Variants in CLHC1 observed in about 807,000 individuals in gnomAD.
CLHC1 encodes the protein clathrin heavy chain linker domain-containing protein 1.
CLHC1 carries 72 observed loss-of-function variants against 69.5 expected under a neutral mutation model. The ratio of observed to expected loss-of-function variants is 1.04; its 90% CI spans 0.86 to 1.26. CLHC1 has a LOEUF of 1.26. CLHC1 is among the 50% of genes most tolerant of loss of function. The pLI is 0.00. For missense variants in CLHC1, 790 were observed against 679.3 expected (o/e 1.16, Z -1.81); for synonymous variants, 223 against 224.3 (o/e 0.99, Z 0.05).
At chr2:55,182,645 A>G (rs942253319) in intron 9 of CLHC1, among the ~76,000 whole-genome samples, 1 of 152,230 alleles carries the variant, frequency 6.6e-6, no homozygotes, top group African/African-American at 2.4e-5. Context: ...TAGAGAACAA[A>G]AAGACCAGAG....
chr2:55,216,605 G>T (rs1034723066), intron 4 of CLHC1, among the ~76,000 whole-genome samples: 27 of 151,702 alleles, frequency 1.8e-4, no homozygotes, highest in East Asian at 1.9e-4. Context: ...GCGCAATCAT[G>T]GCTCATTTGT....
chr2:55,187,506 A>G (rs1670530725), intron 9 of CLHC1, among the ~76,000 whole-genome samples: 1 of 151,756 alleles, frequency 6.6e-6, no homozygotes, highest in Non-Finnish European at 1.5e-5. Flanking sequence ...CCAGCTACTC[A>G]GTGGTTGGGG....
chr2:55,222,172 G>T, intron 3 of CLHC1, 63 bp downstream of exon 3: 2 of 1,139,634 alleles, frequency 1.8e-6, no homozygotes, highest in South Asian at 1.3e-5. Flanking sequence ...AGGAATATTG[G>T]TTGTCAACAT....
At chr2:55,191,730 C>A (rs1670948669) in intron 9 of CLHC1, among the ~76,000 whole-genome samples, 2 of 151,190 alleles carry the variant, frequency 1.3e-5, no homozygotes. Flanking sequence ...TTATATAGCT[C>A]CTAAGTCAAC....
chr2:55,181,995 A>T (rs1669982750), intron 9 of CLHC1, among the ~76,000 whole-genome samples: 1 of 152,118 alleles, frequency 6.6e-6, no homozygotes, highest in Non-Finnish European at 1.5e-5. Context: ...AATCGCTGAC[A>T]ACCACCAGAA....
At chr2:55,203,683 C>T (rs1672175107) in intron 9 of CLHC1, among the ~76,000 whole-genome samples, 2 of 152,120 alleles carry the variant, frequency 1.3e-5, no homozygotes, top group Non-Finnish European at 2.9e-5. Context: ...ATATTTAAAT[C>T]TAAGACCTCA....
chr2:55,177,782 C>A lies in CLHC1; in HGVS notation c.1385-1G>T. Reference sequence around the variant, plus strand: ...GACATTAATAGCTGCAACAGGTCATCTGAAGGCAAAAATGAAAAAGTTTAT... The same window carrying A: ...GACATTAATAGCTGCAACAGGTCATATGAAGGCAAAAATGAAAAAGTTTAT... On this transcript the variant is annotated splice_acceptor_variant, in intron 11 of 12. Coordinates refer to ENST00000401408, the MANE Select transcript of CLHC1 (RefSeq NM_152385.4). LOFTEE classifies it high-confidence loss of function. 1.3e-6 allele frequency: 2 copies of A among 1,597,366 alleles called. No individual in the cohort carries two copies. The highest frequency in any genetic ancestry group is 1.7e-6 in the Non-Finnish European group (2 of 1,173,556).
intron 11 of CLHC1, among the ~76,000 whole-genome samples, chr2:55,179,816 A>C (rs1239380850): frequency 6.6e-6 from 1 of 152,192 alleles, no homozygotes; most frequent in Non-Finnish European, 1.5e-5. Context: ...TTTGAAATAA[A>C]TTAGAAATTC....
At chr2:55,221,092 G>A (rs1306659425) in intron 3 of CLHC1, among the ~76,000 whole-genome samples, 2 of 152,102 alleles carry the variant, frequency 1.3e-5, no homozygotes, top group Non-Finnish European at 2.9e-5. Context: ...TTTTTATTTA[G>A]AGGAGAAATA....
At chr2:55,212,296 A>G (rs1400588679) in intron 5 of CLHC1, among the ~76,000 whole-genome samples, 1 of 152,190 alleles carries the variant, frequency 6.6e-6, no homozygotes, top group Non-Finnish European at 1.5e-5. Flanking sequence ...AAAGAAAAGA[A>G]AAACCTGAAG....
At chr2:55,230,555 A>G (rs1675200930) in intron 1 of CLHC1, among the ~76,000 whole-genome samples, 1 of 152,238 alleles carries the variant, frequency 6.6e-6, no homozygotes, top group African/African-American at 2.4e-5. Flanking sequence ...TGAGATAACC[A>G]AGAAAATGCA....
chr2:55,200,222 T>C (rs1301983842), intron 9 of CLHC1, among the ~76,000 whole-genome samples: 1 of 34,092 alleles, frequency 2.9e-5, no homozygotes, highest in Admixed American at 4.1e-4. Flanking sequence ...AAAAAGACTG[T>C]CTTAAAAAAA....
At chr2:55,231,197 C>T (rs1320040492) in intron 1 of CLHC1, among the ~76,000 whole-genome samples, 4 of 151,600 alleles carry the variant, frequency 2.6e-5, no homozygotes, top group African/African-American at 9.7e-5. Context: ...TTACAGTGAG[C>T]CGAGACCGCG....
chr2:55,195,348 T>C (rs1671310419), intron 9 of CLHC1, among the ~76,000 whole-genome samples: 1 of 152,320 alleles, frequency 6.6e-6, no homozygotes, highest in South Asian at 2.1e-4. Context: ...TCCATGTTGT[T>C]GTATCTGATG....
chr2:55,199,545 A>C (rs943810837), intron 9 of CLHC1, among the ~76,000 whole-genome samples: 3 of 152,128 alleles, frequency 2.0e-5, no homozygotes, highest in Non-Finnish European at 2.9e-5. Context: ...ACAGTACAAT[A>C]AGATATAGAT....
intron 4 of CLHC1, among the ~76,000 whole-genome samples, chr2:55,217,552 A>AATATATATATATATATAT (rs781577612): frequency 2.8e-4 from 12 of 43,160 alleles, no homozygotes; most frequent in East Asian, 7.4e-4. Flanking sequence ...AAAAAAAAAA[A>AATATATATATATATATAT]ATATATATAT....
intron 9 of CLHC1, among the ~76,000 whole-genome samples, chr2:55,202,915 A>G (rs111501380): frequency 1.3e-5 from 2 of 149,302 alleles, no homozygotes; most frequent in Non-Finnish European, 3.0e-5. Flanking sequence ...AAAAAAAAAA[A>G]CTATTAGAAC....
chr2:55,229,254 G>A (rs980381292), intron 1 of CLHC1, among the ~76,000 whole-genome samples: 5 of 151,900 alleles, frequency 3.3e-5, no homozygotes, highest in Non-Finnish European at 5.9e-5. Flanking sequence ...CAAGGTATGG[G>A]GGATAGAGAG....
chr2:55,212,799 T>A lies in CLHC1; in HGVS notation c.373A>T (p.Ile125Phe). The change falls in exon 5 of 13, where the codon ATT becomes TTT. Residue 125 changes from isoleucine (I) to phenylalanine (F), a missense_variant. Physicochemically the swap from Ile to Phe is conservative, Grantham distance 21 (BLOSUM62 0). Transcript: ENST00000401408. ...RTIQLEAKMR[I>F]IESNSSKIQS... Reference sequence around the variant, plus strand: ...ATCTTCGAGGAATTACTTTCGATAATCCTCATTCTGGAAAACAGAAAGGCT... The same window carrying A: ...ATCTTCGAGGAATTACTTTCGATAAACCTCATTCTGGAAAACAGAAAGGCT... 1 of 1,603,314 alleles carries A rather than the reference T, an allele frequency of 6.2e-7. No individual in the cohort carries two copies. The highest frequency in any genetic ancestry group is 8.5e-7 in the Non-Finnish European group (1 of 1,170,630).
Sources: gnomAD v4.1 joint callset for allele counts (sites outside exome capture counted in the v4.1 genomes callset) on GRCh38, gnomAD v4.1.1 for gene constraint, MANE v1.5 for transcripts, NCBI Gene and HGNC (gene_info 2026-07-23, HGNC 2026-07-21) for gene names.